Variants in P2RY8 observed in about 807,000 individuals in gnomAD.
P2RY8 encodes P2Y receptor family member 8.
In P2RY8, 6 loss-of-function variants were observed where a neutral mutation model predicts 10.0. The ratio of observed to expected loss-of-function variants is 0.60; its 90% CI spans 0.33 to 1.19. P2RY8 has a LOEUF of 1.19. Among genes scored for constraint, P2RY8 ranks in the 50% most tolerant of loss-of-function variants. The pLI is 0.04. For missense variants in P2RY8, 456 were observed against 542.0 expected (o/e 0.84, Z 1.58); for synonymous variants, 276 against 252.5 (o/e 1.09, Z -0.88).
chrX:1,465,242 T>G lies in P2RY8; in HGVS notation c.*237A>C. The G allele has an allele frequency of 1.6e-6, 1 of 624,068 alleles. No individual in the cohort carries two copies. The highest frequency in any genetic ancestry group is 2.7e-6 in the Non-Finnish European group (1 of 373,040). 38.7% of individuals were successfully genotyped at this position (624,068 alleles called of 1,614,324 possible). Reference sequence around the variant, plus strand: ...ACCCTCTGCAGGATAACAAGCACCCTGTGCGCTGCTGGGCTTTGCTTGTTT... The same window carrying G: ...ACCCTCTGCAGGATAACAAGCACCCGGTGCGCTGCTGGGCTTTGCTTGTTT... On this transcript the variant is annotated 3_prime_UTR_variant, in exon 2 of 2. Transcript: ENST00000381297.
At chrX:1,471,273 G>T (rs1214024154) in intron 1 of P2RY8, among the ~76,000 whole-genome samples, 1 of 149,138 alleles carries the variant, frequency 6.7e-6, no homozygotes, top group Non-Finnish European at 1.5e-5. Context: ...CTCCCAAAGT[G>T]CTGGGACTAC....
intron 1 of P2RY8, among the ~76,000 whole-genome samples, chrX:1,530,142 TATGTATGTATGTATG>T (rs1402984766): frequency 2.3e-3 from 12 of 5,326 alleles, no homozygotes; most frequent in Admixed American, 0.014. Flanking sequence ...TGTATGTATG[TATGTATGTATGTATG>T]ATCTATCTAT....
Position 1,464,564 on chromosome X carries a change from C to T in P2RY8, c.*915G>A, listed in dbSNP as rs2091636086. 2 of 233,416 alleles carry T rather than the reference C, an allele frequency of 8.6e-6. No homozygotes were observed. Among genetic ancestry groups the T allele is most frequent in the East Asian group, 1.2e-4 (2 of 16,592 alleles). 14.5% of individuals were successfully genotyped at this position (233,416 alleles called of 1,614,324 possible). A position where few individuals can be genotyped will look rare whatever the true frequency, so the allele number is the denominator to read the frequency against. On this transcript the variant is annotated 3_prime_UTR_variant, in exon 2 of 2. Transcript: ENST00000381297. ...TGGGGAACTCCCGAATCAAGCTGCA[C>T]CCTTGTGTTGGGATGGGCTGGACCC...
chrX:1,525,265 T>C (rs1429034597), intron 1 of P2RY8, among the ~76,000 whole-genome samples: 1 of 152,230 alleles, frequency 6.6e-6, no homozygotes, highest in Non-Finnish European at 1.5e-5. Flanking sequence ...CCTGTGAATA[T>C]AGGACCTTAT....
At chrX:1,480,671 G>A (rs181413302) in intron 1 of P2RY8, among the ~76,000 whole-genome samples, 1 of 152,100 alleles carries the variant, frequency 6.6e-6, no homozygotes, top group East Asian at 1.9e-4. Context: ...GGGCCTGTCG[G>A]GGGGTGAGGG....
intron 1 of P2RY8, among the ~76,000 whole-genome samples, chrX:1,494,697 G>T (rs6644718): frequency 6.6e-6 from 1 of 151,808 alleles, no homozygotes; most frequent in Non-Finnish European, 1.5e-5. Flanking sequence ...AAATATGTAT[G>T]TCCATAGTCA....
intron 1 of P2RY8, among the ~76,000 whole-genome samples, chrX:1,488,408 A>C (rs187100924): frequency 6.6e-6 from 1 of 152,236 alleles, no homozygotes; most frequent in Non-Finnish European, 1.5e-5. Context: ...GCCCTGCAGA[A>C]AGCTGTGTCC....
intron 1 of P2RY8, among the ~76,000 whole-genome samples, chrX:1,501,833 T>TCTGC (rs1231037205): frequency 2.6e-5 from 4 of 152,132 alleles, no homozygotes; most frequent in African/African-American, 9.7e-5. Context: ...GACCTTGTGA[T>TCTGC]CTGCCTGTCT....
chrX:1,504,880 C>T (rs1323176980), intron 1 of P2RY8, among the ~76,000 whole-genome samples: 1 of 152,126 alleles, frequency 6.6e-6, no homozygotes, highest in Admixed American at 6.5e-5. Context: ...CGCCTGTCAT[C>T]CCAGCACTTT....
In P2RY8 at chrX:1,466,186, C is replaced by A. The variant is rs28578016; in HGVS notation, c.373G>T (p.Val125Phe). The A allele has an allele frequency of 6.2e-7, 1 of 1,611,948 alleles. No individual in the cohort carries two copies. Among genetic ancestry groups the A allele is most frequent in the Non-Finnish European group, 8.5e-7 (1 of 1,179,026 alleles). ...TCISVERFLG[V>F]LYPLSSKRWR... ...CGCTTGGAGCTGAGCGGGTACAGGA[C>A]CCCCAGGAAGCGCTCCACGCTGATA... is the stretch of plus-strand genomic sequence containing the variant. Residue 125 changes from valine (V) to phenylalanine (F), a missense_variant, in exon 2 of 2, where the codon GTC (valine) becomes TTC (phenylalanine). Transcript: ENST00000381297.
intron 1 of P2RY8, among the ~76,000 whole-genome samples, chrX:1,496,088 T>C (rs1200832797): frequency 6.6e-6 from 1 of 152,210 alleles, no homozygotes; most frequent in African/African-American, 2.4e-5. Context: ...TGCAGTGTTT[T>C]ATTACGGCGG....
chrX:1,497,179 G>A (rs73184966), intron 1 of P2RY8, among the ~76,000 whole-genome samples: 57,553 of 133,670 alleles, frequency 0.43, 13,033 homozygotes, highest in Middle Eastern at 0.56. Flanking sequence ...CTGAGATCGC[G>A]CCACTGCACT....
At chrX:1,525,903 T>G (rs2092436720) in intron 1 of P2RY8, among the ~76,000 whole-genome samples, 1 of 152,104 alleles carries the variant, frequency 6.6e-6, no homozygotes. Flanking sequence ...CACTCATCCA[T>G]CCTTCCATTC....
intron 1 of P2RY8, among the ~76,000 whole-genome samples, chrX:1,524,824 T>C (rs868412951): frequency 7.2e-6 from 1 of 139,644 alleles, no homozygotes; most frequent in African/African-American, 3.0e-5. Flanking sequence ...CATCCATCCA[T>C]CCATCCATCC....
At chrX:1,534,494 G>A (rs1439082760) in intron 1 of P2RY8, among the ~76,000 whole-genome samples, 3 of 151,918 alleles carry the variant, frequency 2.0e-5, no homozygotes, top group Non-Finnish European at 4.4e-5. Flanking sequence ...GTCTCCCAGG[G>A]GCCGTGCAGA....
intron 1 of P2RY8, among the ~76,000 whole-genome samples, chrX:1,493,666 T>C (rs1326961233): frequency 1.3e-5 from 2 of 151,958 alleles, no homozygotes; most frequent in African/African-American, 4.8e-5. Context: ...TTAAAGAAGG[T>C]GGGACTTTCT....
chrX:1,468,369 A>G (rs1212848946), intron 1 of P2RY8, among the ~76,000 whole-genome samples: 1 of 152,138 alleles, frequency 6.6e-6, no homozygotes, highest in Non-Finnish European at 1.5e-5. Context: ...TGGTCTGGGG[A>G]TCCAGCAAGC....
Position 1,514,052 on chromosome X carries a change from A to G in P2RY8, c.-25+22869T>C, listed in dbSNP as rs778422627. Among the ~76,000 whole-genome samples, 57 of 152,310 alleles carry G rather than the reference A, an allele frequency of 3.7e-4. No homozygotes were observed. In the South Asian group the frequency reaches 0.012, roughly 32 times the overall value. On this transcript the variant is annotated intron_variant, in intron 1 of 1. Coordinates refer to ENST00000381297, the MANE Select transcript of P2RY8 (RefSeq NM_178129.5). Reference sequence around the variant, plus strand: ...GTCCTATCTTTTGCAGGTACGCACCATTGAACCCACTACACATAGCGTTAA... The same window carrying G: ...GTCCTATCTTTTGCAGGTACGCACCGTTGAACCCACTACACATAGCGTTAA...
intron 1 of P2RY8, among the ~76,000 whole-genome samples, chrX:1,470,593 C>A (rs1186923147): frequency 6.6e-6 from 1 of 152,010 alleles, no homozygotes; most frequent in Non-Finnish European, 1.5e-5. Context: ...CCCTGTGAAC[C>A]TCAAATCTGC....
Sources: gnomAD v4.1 joint callset for allele counts (sites outside exome capture counted in the v4.1 genomes callset) on GRCh38, gnomAD v4.1.1 for gene constraint, MANE v1.5 for transcripts, NCBI Gene and HGNC (gene_info 2026-07-23, HGNC 2026-07-21) for gene names.